The following KIF24 variants were observed in gnomAD, a reference collection of about 807,000 sequenced individuals.
KIF24 encodes kinesin family member 24, also known as kinesin-like protein KIF24.
Under a neutral mutation model 118.9 loss-of-function variants are expected in KIF24, and 81 were observed. That is an observed-to-expected ratio of 0.68 (90% CI 0.57 to 0.82). The LOEUF (loss-of-function observed/expected upper bound fraction) is 0.82. KIF24 is among the 40% of genes least tolerant of loss of function. The pLI is 0.00. For synonymous variants in KIF24, 599 were observed against 610.0 expected, an observed-to-expected ratio of 0.98 and a Z score of 0.27; for missense variants, 1,560 against 1,661.6, an observed-to-expected ratio of 0.94 and a Z score of 1.06.
chr9:34,313,945 G>C (rs922609375), intron 1 of KIF24, among the ~76,000 whole-genome samples: 1 of 148,566 alleles, frequency 6.7e-6, no homozygotes, highest in African/African-American at 2.5e-5. Context: ...TGTAGAGAAA[G>C]GGTCTCCCTG....
intron 8 of KIF24, among the ~76,000 whole-genome samples, chr9:34,267,845 G>A (rs1471331878): frequency 6.6e-6 from 1 of 152,128 alleles, no homozygotes; most frequent in Non-Finnish European, 1.5e-5. Context: ...CCACCTGACA[G>A]GAAACATAAA....
intron 6 of KIF24, among the ~76,000 whole-genome samples, chr9:34,280,239 C>A (rs1393456980): frequency 1.5e-4 from 20 of 135,540 alleles, no homozygotes; most frequent in Non-Finnish European, 2.8e-4. Flanking sequence ...AGCCAAGATC[C>A]CGCCACTGCA....
intron 3 of KIF24, among the ~76,000 whole-genome samples, chr9:34,304,844 T>G (rs1836852926): frequency 6.6e-6 from 1 of 152,200 alleles, no homozygotes. Context: ...AAGGATTTAT[T>G]CCACTAATGT....
intron 12 of KIF24, 81 bp downstream of exon 12, chr9:34,254,991 C>G: frequency 1.0e-6 from 1 of 966,964 alleles, no homozygotes; most frequent in Non-Finnish European, 1.6e-6. Context: ...CCACACACAG[C>G]CACAGCAAAC....
Position 34,311,230 on chromosome 9 carries a change from G to C in KIF24, c.117C>G (p.Asp39Glu). The change falls in exon 2 of 13, where the codon GAC (aspartate) becomes GAG (glutamate). Residue 39 changes from aspartate (D) to glutamate (E), a missense_variant. Asp to Glu is a conservative substitution (Grantham distance 45). Transcript: ENST00000402558. ...TGTCATGGACTCCTAATTTGGAGTA[G>C]TCCTTCATTGTAATCTTGGCTAATT... The part of the protein sequence containing the change: ...IDELAKITMK[D>E]YSKLGVHDMN... 1 of 1,612,318 alleles carries C rather than the reference G, an allele frequency of 6.2e-7. No individual in the cohort carries two copies. The highest frequency in any genetic ancestry group is 8.5e-7 in the Non-Finnish European group (1 of 1,178,664).
chr9:34,288,760 T>C (rs975152188), intron 5 of KIF24, among the ~76,000 whole-genome samples: 1 of 151,732 alleles, frequency 6.6e-6, no homozygotes, highest in African/African-American at 2.4e-5. Flanking sequence ...AATGCAAATA[T>C]ACAGGGCAAT....
intron 6 of KIF24, among the ~76,000 whole-genome samples, chr9:34,278,062 T>A (rs184499016): frequency 1.8e-4 from 28 of 152,020 alleles, no homozygotes; most frequent in Non-Finnish European, 1.0e-4. Context: ...TCACCTGAGG[T>A]CAGGAGTTTG....
chr9:34,286,320 C>T (rs575473031), intron 6 of KIF24, among the ~76,000 whole-genome samples: 2 of 151,982 alleles, frequency 1.3e-5, no homozygotes, highest in African/African-American at 2.4e-5. Context: ...GGTGACAGAG[C>T]GAGACTCCAT....
At chr9:34,290,130 A>C (rs1836196359) in intron 5 of KIF24, 44 bp downstream of exon 5, 1 of 1,395,580 alleles carries the variant, frequency 7.2e-7, no homozygotes, top group African/African-American at 1.4e-5. Context: ...TCTGGCTTAA[A>C]ATAGCGATGA....
At chr9:34,312,108 G>A (rs1837189803) in intron 1 of KIF24, among the ~76,000 whole-genome samples, 1 of 152,188 alleles carries the variant, frequency 6.6e-6, no homozygotes, top group South Asian at 2.1e-4. Flanking sequence ...ATTTGCATTT[G>A]CTGAGTACTG....
chr9:34,319,153 G>A (rs1455862351), intron 1 of KIF24: 15 of 1,594,674 alleles, frequency 9.4e-6, no homozygotes, highest in South Asian at 4.4e-5. Flanking sequence ...ACAATGAGAA[G>A]GAAAAGCTGC....
At position 34,254,234 on chromosome 9, in the gene KIF24, A is replaced by T. The variant is rs878936954; in HGVS notation, c.*146T>A. 7.1e-6 allele frequency: 6 copies of T among 849,314 alleles called. No individual in the cohort carries two copies. In the African/African-American group the frequency reaches 1.0e-4, roughly 15 times the overall value. 52.6% of individuals were successfully genotyped at this position (849,314 alleles called of 1,614,324 possible). On this transcript the variant is annotated 3_prime_UTR_variant, in exon 13 of 13. Transcript: ENST00000402558. ...GAGAAGCTGGGACCTATCTGAAGCC[A>T]CGTGGGGCTGGGGTGACGCTAGCAT...
upstream of KIF24, among the ~76,000 whole-genome samples, chr9:34,332,298 A>G (rs895778999): frequency 6.6e-6 from 1 of 152,208 alleles, no homozygotes; most frequent in Non-Finnish European, 1.5e-5. Context: ...CTGGTAAACT[A>G]GTGACCCATC....
chr9:34,310,725 T>C lies in KIF24; in HGVS notation c.622A>G (p.Arg208Gly). 1 of 1,572,708 alleles carries C rather than the reference T, an allele frequency of 6.4e-7. No individual in the cohort carries two copies. Among genetic ancestry groups the C allele is most frequent in the Non-Finnish European group, 8.6e-7 (1 of 1,162,326 alleles). ...YNYGIPHSCIRQNTSEKQNPW... is the reference protein window; with the variant it reads ...YNYGIPHSCIGQNTSEKQNPW... ...AGAAAGAAAGATAAAATTTATTACC[T>C]GATACAAGAATGAGGGATTCCATAG... The change falls in exon 2 of 13, where the codon AGA (arginine) becomes GGA (glycine). Residue 208 changes from arginine (R) to glycine (G), a missense_variant and splice_region_variant. Around this residue, in one of 3 missense-constraint regions of KIF24, gnomAD observed 964 missense variants for 988.0 expected, o/e 0.98. Coordinates refer to ENST00000402558, the MANE Select transcript of KIF24 (RefSeq NM_194313.4).
At chr9:34,310,639 G>C in intron 2 of KIF24, 85 bp downstream of exon 2, 3 of 887,240 alleles carry the variant, frequency 3.4e-6, no homozygotes, top group Non-Finnish European at 5.2e-6. Context: ...ATAAGGAGTA[G>C]ATGCTGTCTG....
In KIF24 at chr9:34,254,235, C is replaced by T. The variant is rs760707262; in HGVS notation, c.*145G>A. 1.2e-4 allele frequency: 100 copies of T among 868,130 alleles called. No individual in the cohort carries two copies. The highest frequency in any genetic ancestry group is 2.4e-4 in the African/African-American group (14 of 57,604). The allele number at this position is 868,130 out of a possible 1,614,324, so 53.8% of individuals were successfully genotyped here. On this transcript the variant is annotated 3_prime_UTR_variant, in exon 13 of 13. Transcript: ENST00000402558. The stretch of plus-strand genomic sequence containing the variant: ...AGAAGCTGGGACCTATCTGAAGCCA[C>T]GTGGGGCTGGGGTGACGCTAGCATA...
chr9:34,260,936 C>T (rs1281761378), intron 9 of KIF24, among the ~76,000 whole-genome samples: 2 of 152,154 alleles, frequency 1.3e-5, no homozygotes, highest in African/African-American at 2.4e-5. Context: ...CACACCACTG[C>T]ACTCCGGCCT....
At chr9:34,329,770 A>G (rs530183871), upstream of KIF24, among the ~76,000 whole-genome samples, 23 of 152,306 alleles carry the variant, frequency 1.5e-4, no homozygotes, top group East Asian at 4.3e-3. Context: ...ATCCGCTCTC[A>G]GGACCTCAGT....
chr9:34,306,408 A>G lies in KIF24; in HGVS notation c.657T>C (p.Thr219=). The change falls in exon 3 of 13, where the codon ACT becomes ACC. Residue 219 remains threonine, a synonymous_variant. Coordinates refer to ENST00000402558, the MANE Select transcript of KIF24 (RefSeq NM_194313.4). ...QNTSEKQNPW[T]EMEKIRVCVR... ...CACAAACTCTGATTTTCTCCATCTCAGTCCAAGGATTCTGTTTCTCTGAAG... is the reference window on the plus strand; with the variant it reads ...CACAAACTCTGATTTTCTCCATCTCGGTCCAAGGATTCTGTTTCTCTGAAG... 1 of 1,610,094 alleles carries G rather than the reference A, an allele frequency of 6.2e-7. No individual in the cohort carries two copies. The highest frequency in any genetic ancestry group is 8.5e-7 in the Non-Finnish European group (1 of 1,178,644).
Sources: allele counts gnomAD v4.1 joint callset (sites outside exome capture counted in the v4.1 genomes callset), GRCh38; gene constraint gnomAD v4.1.1; regional missense constraint gnomAD v4.1.1; transcripts MANE v1.5; gene names NCBI Gene and HGNC (gene_info 2026-07-23, HGNC 2026-07-21).